PLCG2: variants seen among roughly 807,000 people sequenced by gnomAD.
PLCG2 encodes the protein 1-phosphatidylinositol 4,5-bisphosphate phosphodiesterase gamma-2.
In PLCG2, 69 loss-of-function variants were observed where a neutral mutation model predicts 175.6. That is an observed-to-expected ratio of 0.39 (90% CI 0.32 to 0.48). PLCG2 has a LOEUF of 0.48. Ranked by LOEUF, PLCG2 falls within the 20% of genes least tolerant of loss-of-function variation. The pLI, the probability that PLCG2 is intolerant of heterozygous loss-of-function variation, is 0.91. For missense variants in PLCG2, 1,798 were observed against 1,650.9 expected, an observed-to-expected ratio of 1.09 and a Z score of -1.54; for synonymous variants, 827 against 624.0, an observed-to-expected ratio of 1.33 and a Z score of -4.85.
rs747373917 is a variant in PLCG2 at position 81,910,674 on chromosome 16, C to T, written c.1888C>T (p.Arg630Trp). 3.7e-6 allele frequency: 6 copies of T among 1,612,728 alleles called. No individual in the cohort carries two copies. The highest frequency in any genetic ancestry group is 5.1e-6 in the Non-Finnish European group (6 of 1,180,002). ...THLRCAEFEL[R>W]LTDPVPNPNP... is the part of the protein sequence containing the mutation. The stretch of plus-strand genomic sequence containing the variant: ...CCTGCGCTGCGCCGAGTTCGAGCTG[C>T]GGCTCACGGACCCTGTGCCCAACCC... Residue 630 changes from arginine to tryptophan, a missense_variant, in exon 18 of 33, where the codon CGG becomes TGG. By Grantham distance (101) the Arg-to-Trp change is moderately radical (BLOSUM62 -3). Coordinates refer to ENST00000564138, the MANE Select transcript of PLCG2 (RefSeq NM_002661.5).
chr16:81,960,271 A>C lies in PLCG2; in HGVS notation c.*2273A>C. 4.5e-6 allele frequency: 1 copy of C among 220,758 alleles called. No homozygotes were observed. Among genetic ancestry groups the C allele is most frequent in the Non-Finnish European group, 9.1e-6 (1 of 110,238 alleles). 13.7% of individuals were successfully genotyped at this position (220,758 alleles called of 1,614,324 possible). On this transcript the variant is annotated 3_prime_UTR_variant, in exon 33 of 33. Coordinates refer to ENST00000564138, the MANE Select transcript of PLCG2 (RefSeq NM_002661.5). ...GGTATGATGGCTCTTCCCAGAGTCT[A>C]TGTGATGCTACATAACTTCAGTATC...
chr16:81,764,349 A>G (rs376475710), intron 2 of PLCG2, among the ~76,000 whole-genome samples: 2 of 152,178 alleles, frequency 1.3e-5, no homozygotes, highest in African/African-American at 4.8e-5. Flanking sequence ...AAGATCTGGC[A>G]GATTCAAGGA....
At chr16:81,864,803 G>A (rs1253013687) in intron 5 of PLCG2, among the ~76,000 whole-genome samples, 2 of 152,166 alleles carry the variant, frequency 1.3e-5, no homozygotes, top group East Asian at 3.9e-4. Flanking sequence ...CCTGGGTGCG[G>A]GAGTTGAAGA....
chr16:81,946,095 T>C (rs1911137961), intron 30 of PLCG2, 80 bp from the exon 31 acceptor site: 1 of 1,052,024 alleles, frequency 9.5e-7, no homozygotes, highest in Admixed American at 1.7e-5. Context: ...AGGCCTATGA[T>C]CCCGAGGTAG....
At chr16:81,891,751 C>T (rs918386417) in intron 11 of PLCG2, among the ~76,000 whole-genome samples, 161 bp downstream of exon 11, 5 of 152,156 alleles carry the variant, frequency 3.3e-5, no homozygotes, top group Non-Finnish European at 7.3e-5. Flanking sequence ...CTGGAAGGGG[C>T]TGGGAACACA....
At chr16:81,752,252 G>C (rs1255648723) in intron 1 of PLCG2, among the ~76,000 whole-genome samples, 1 of 152,066 alleles carries the variant, frequency 6.6e-6, no homozygotes, top group Non-Finnish European at 1.5e-5. Flanking sequence ...GGTGTTTTTA[G>C]AATATCATTG....
intron 24 of PLCG2, among the ~76,000 whole-genome samples, chr16:81,930,477 G>A (rs1337521517): frequency 6.6e-6 from 1 of 152,138 alleles, no homozygotes; most frequent in African/African-American, 2.4e-5. Flanking sequence ...GCTGGGTGTG[G>A]TGGCTCATTC....
At chr16:81,763,653 C>G (rs3935576) in intron 2 of PLCG2, among the ~76,000 whole-genome samples, 6 of 152,178 alleles carry the variant, frequency 3.9e-5, no homozygotes, top group African/African-American at 1.2e-4. Context: ...TTACTACATT[C>G]TATTGAGGCA....
intron 1 of PLCG2, among the ~76,000 whole-genome samples, chr16:81,748,702 C>T (rs1909750365): frequency 6.6e-6 from 1 of 152,150 alleles, no homozygotes; most frequent in African/African-American, 2.4e-5. Flanking sequence ...CAGAAAACCC[C>T]AGACTCGGAT....
chr16:81,940,487 A>G (rs189749387), intron 30 of PLCG2, among the ~76,000 whole-genome samples: 2,370 of 150,888 alleles, frequency 0.016, 59 homozygotes, highest in African/African-American at 0.055. Context: ...CGAGGGTCCA[A>G]CTCCCCAAAC....
At chr16:81,932,182 G>C (rs925087682) in intron 25 of PLCG2, among the ~76,000 whole-genome samples, 2 of 152,238 alleles carry the variant, frequency 1.3e-5, no homozygotes, top group Middle Eastern at 3.4e-3. Context: ...CTGGCTGGAA[G>C]TGTTTTGGGA....
chr16:81,783,419 C>T (rs1372434549), intron 1 of PLCG2, among the ~76,000 whole-genome samples: 7 of 152,182 alleles, frequency 4.6e-5, no homozygotes, highest in African/African-American at 1.7e-4. Context: ...ACTCGTTTTG[C>T]TACTTTCTAT....
At chr16:81,859,279 A>G (rs999337348) in intron 5 of PLCG2, 116 bp downstream of exon 5, 5 of 695,704 alleles carry the variant, frequency 7.2e-6, no homozygotes, top group Admixed American at 2.3e-5. Context: ...CACTGCGTCC[A>G]TTGTGATCTG....
intron 2 of PLCG2, among the ~76,000 whole-genome samples, chr16:81,795,475 A>C (rs1323417141): frequency 6.6e-6 from 1 of 152,180 alleles, no homozygotes. Context: ...CTGTAAGTTT[A>C]TCTCTCACTC....
At chr16:81,782,676 C>G (rs574465807) in intron 1 of PLCG2, among the ~76,000 whole-genome samples, 1 of 152,200 alleles carries the variant, frequency 6.6e-6, no homozygotes, top group South Asian at 2.1e-4. Context: ...AACCCCAAAC[C>G]AGAAATCAAG....
chr16:81,921,163 G>C, intron 20 of PLCG2, 35 bp from the exon 21 acceptor site: 2 of 1,301,714 alleles, frequency 1.5e-6, no homozygotes, highest in Non-Finnish European at 2.2e-6. Context: ...CAGGAGCATG[G>C]ATTATTCCAT....
At chr16:81,904,904 C>T (rs1193519792) in intron 14 of PLCG2, among the ~76,000 whole-genome samples, 2 of 152,094 alleles carry the variant, frequency 1.3e-5, no homozygotes, top group Non-Finnish European at 2.9e-5. Context: ...TTATTTTTTA[C>T]TGGGACAGAG....
chr16:81,949,568 C>T (rs965883900), intron 31 of PLCG2, among the ~76,000 whole-genome samples: 4 of 152,080 alleles, frequency 2.6e-5, no homozygotes, highest in East Asian at 1.9e-4. Flanking sequence ...TATCATGTAT[C>T]CTACTCAAGG....
At chr16:81,937,456 A>T (rs1046842660) in intron 27 of PLCG2, 26 of 236,128 alleles carry the variant, frequency 1.1e-4, no homozygotes, top group Non-Finnish European at 5.8e-5. Flanking sequence ...ATTTATATTC[A>T]CATATTTGTC....
Sources: allele counts gnomAD v4.1 joint callset (sites outside exome capture counted in the v4.1 genomes callset), GRCh38; gene constraint gnomAD v4.1.1; transcripts MANE v1.5; gene names NCBI Gene and HGNC (gene_info 2026-07-23, HGNC 2026-07-21).